MORC2: variants seen among roughly 807,000 people sequenced by gnomAD.
MORC2 encodes ATPase MORC2.
MORC2 carries 30 observed loss-of-function variants against 136.0 expected under a neutral mutation model. That is an observed-to-expected ratio of 0.22 (90% CI 0.17 to 0.30). The LOEUF (loss-of-function observed/expected upper bound fraction) is 0.30, where lower values mean the gene tolerates loss of function less well. MORC2 is among the 10% of genes least tolerant of loss of function. MORC2 has a pLI of 1.00. For missense variants in MORC2, 922 were observed against 1,333.1 expected (o/e 0.69, Z 4.80); for synonymous variants, 439 against 487.0 (o/e 0.90, Z 1.30).
Position 30,934,977 on chromosome 22 carries a change from C to G in MORC2, c.1997G>C (p.Arg666Thr). 1 of 1,614,086 alleles carries G rather than the reference C, an allele frequency of 6.2e-7. No individual in the cohort carries two copies. The highest frequency in any genetic ancestry group is 8.5e-7 in the Non-Finnish European group (1 of 1,180,016). ...GGGTGCCTCAGGTGGCTGGAGCAGC[C>G]TAGATGTGCTGGCCTCCTCCCGGGC... ...LAAREEASTS[R>T]LLQPPEAPRK... The change falls in exon 19 of 26, where the codon AGG becomes ACG. Residue 666 changes from arginine to threonine, a missense_variant. By Grantham distance (71) the Arg-to-Thr change is moderately conservative. Coordinates refer to ENST00000397641, the MANE Select transcript of MORC2 (RefSeq NM_001303256.3). The surrounding 1 kb of genome is among the most constrained non-coding windows in gnomAD (Gnocchi z 4.4).
Position 30,925,188 on chromosome 22 carries a change from T to G in MORC2, c.*1615A>C, listed in dbSNP as rs2040465626. The stretch of plus-strand genomic sequence containing the variant: ...TGCGTTTCGATTACATGTGTGTGAA[T>G]TTTAAAAACTGATTACCCTCCAGTA... On this transcript the variant is annotated 3_prime_UTR_variant, in exon 26 of 26. Transcript: ENST00000397641. 1 of 291,102 alleles carries G rather than the reference T, an allele frequency of 3.4e-6. No individual in the cohort carries two copies. Among genetic ancestry groups the G allele is most frequent in the Non-Finnish European group, 6.8e-6 (1 of 147,874 alleles). 18.0% of individuals were successfully genotyped at this position (291,102 alleles called of 1,614,324 possible). A position where few individuals can be genotyped will look rare whatever the true frequency, so the allele number is the denominator to read the frequency against.
At chr22:30,961,013 C>T (rs2041038038) in intron 1 of MORC2, among the ~76,000 whole-genome samples, 1 of 151,456 alleles carries the variant, frequency 6.6e-6, no homozygotes, top group South Asian at 2.1e-4. Flanking sequence ...TTACAGGCGC[C>T]TGCCACTATG....
intron 5 of MORC2, among the ~76,000 whole-genome samples, chr22:30,948,142 A>C (rs1438915708): frequency 6.6e-6 from 1 of 152,188 alleles, no homozygotes; most frequent in East Asian, 1.9e-4. Flanking sequence ...TAAATGTCAG[A>C]GATTAGAACC....
chr22:30,961,948 C>T (rs551591986), intron 1 of MORC2, among the ~76,000 whole-genome samples: 1 of 152,218 alleles, frequency 6.6e-6, no homozygotes, highest in African/African-American at 2.4e-5. Flanking sequence ...ATAAACCCAG[C>T]ACTTTGGGAG....
At position 30,958,671 on chromosome 22, in the gene MORC2, C is replaced by A; in HGVS notation, c.92G>T (p.Gly31Val). 1 of 1,548,486 alleles carries A rather than the reference C, an allele frequency of 6.5e-7. No homozygotes were observed. The highest frequency in any genetic ancestry group is 8.7e-7 in the Non-Finnish European group (1 of 1,145,376). The change falls in exon 2 of 26, where the codon GGT becomes GTT. Residue 31 changes from glycine (G) to valine (V), a missense_variant. Transcript: ENST00000397641. ...TNSTTHEFLF[G>V]ALAELVDNAR... The stretch of plus-strand genomic sequence containing the variant: ...ATTATCAACCAGTTCAGCAAGGGCA[C>A]CAAACAAGAATTCGTGAGTGGTTCT...
In MORC2 at chr22:30,941,287, T is replaced by G. The variant is rs538801086; in HGVS notation, c.824+146A>C. On this transcript the variant is annotated intron_variant, in intron 9 of 25. Transcript: ENST00000397641. The surrounding 1 kb of genome is among the most constrained non-coding windows in gnomAD (Gnocchi z 4.6). Reference sequence around the variant, plus strand: ...CCTCTAGGACCCAGAACTGACCCTGTGACCAATCACAGGCAACTTAAAGTC... The same window carrying G: ...CCTCTAGGACCCAGAACTGACCCTGGGACCAATCACAGGCAACTTAAAGTC... 8.1e-7 allele frequency: 1 copy of G among 1,238,098 alleles called. No homozygotes were observed. The highest frequency in any genetic ancestry group is 1.5e-5 in the South Asian group (1 of 64,642). 76.7% of individuals were successfully genotyped at this position (1,238,098 alleles called of 1,614,324 possible).
chr22:30,926,743 C>T lies in MORC2; in HGVS notation c.*60G>A, dbSNP rs1304449200. On this transcript the variant is annotated 3_prime_UTR_variant, in exon 26 of 26. Coordinates refer to ENST00000397641, the MANE Select transcript of MORC2 (RefSeq NM_001303256.3). ...CACCAACCCATGAATGAAGTCCCCTCCCCCTGCAGCTACAGGGTTGAGGGG... is the reference window on the plus strand; with the variant it reads ...CACCAACCCATGAATGAAGTCCCCTTCCCCTGCAGCTACAGGGTTGAGGGG... The T allele has an allele frequency of 3.5e-6, 5 of 1,436,250 alleles. No individual in the cohort carries two copies. The highest frequency in any genetic ancestry group is 3.9e-6 in the Non-Finnish European group (4 of 1,028,156). 89.0% of individuals were successfully genotyped at this position (1,436,250 alleles called of 1,614,324 possible). A position where few individuals can be genotyped will look rare whatever the true frequency, so the allele number is the denominator to read the frequency against.
rs2147241669 is a variant in MORC2 at position 30,932,779 on chromosome 22, A to G, written c.2523-10T>C. 7 of 1,614,062 alleles carry G rather than the reference A, an allele frequency of 4.3e-6. No homozygotes were observed. Among genetic ancestry groups the G allele is most frequent in the Non-Finnish European group, 5.9e-6 (7 of 1,179,948 alleles). On this transcript the variant is annotated splice_polypyrimidine_tract_variant and intron_variant, in intron 22 of 25. Coordinates refer to ENST00000397641, the MANE Select transcript of MORC2 (RefSeq NM_001303256.3). The surrounding 1 kb of genome is among the most constrained non-coding windows in gnomAD (Gnocchi z 4.4). ...ACTGCCTTTCTCCACCCTGTGGAAGACACACAGCTTATGTCATGTCTGACC... is the reference window on the plus strand; with the variant it reads ...ACTGCCTTTCTCCACCCTGTGGAAGGCACACAGCTTATGTCATGTCTGACC...
At position 30,935,251 on chromosome 22, in the gene MORC2, A is replaced by G. The variant is rs1195941066; in HGVS notation, c.1809T>C (p.Thr603=). Residue 603 remains threonine, a synonymous_variant, in exon 18 of 26, where the codon ACT becomes ACC. Transcript: ENST00000397641. ...TTCCCAGGCCCCTGGACTTCACCTC[A>G]GTGGAAGGTCTGGTGGTCACTTCCA... ...LPLEVTTRPS[T]EEPVRRPQRP... 6 of 1,613,536 alleles carry G rather than the reference A, an allele frequency of 3.7e-6. No individual in the cohort carries two copies. Among genetic ancestry groups the G allele is most frequent in the Non-Finnish European group, 5.1e-6 (6 of 1,179,782 alleles).
intron 5 of MORC2, among the ~76,000 whole-genome samples, chr22:30,946,940 G>A (rs2147278225): frequency 6.6e-6 from 1 of 152,228 alleles, no homozygotes; most frequent in African/African-American, 2.4e-5. Flanking sequence ...TCCTTCCTCA[G>A]CTGACACAAA....
At chr22:30,935,737 T>C (rs1240473311) in intron 17 of MORC2, among the ~76,000 whole-genome samples, 7 of 152,072 alleles carry the variant, frequency 4.6e-5, no homozygotes, top group Non-Finnish European at 1.0e-4. Flanking sequence ...GAAATGGTTG[T>C]GTACTAAATA....
rs1470563994 is a variant in MORC2, at chr22:30,968,435, G to C, written c.-546C>G. The C allele has an allele frequency of 1.3e-5, 2 of 152,750 alleles. No homozygotes were observed. The highest frequency in any genetic ancestry group is 6.5e-5 in the Admixed American group (1 of 15,296). 9.5% of individuals were successfully genotyped at this position (152,750 alleles called of 1,614,324 possible). A position where few individuals can be genotyped will look rare whatever the true frequency, so the allele number is the denominator to read the frequency against. On this transcript the variant is annotated 5_prime_UTR_variant, in exon 1 of 26. Transcript: ENST00000397641. ...CAAGATGTCGACGGAGTGTTATATGGCGCAAGTTGCAGCTTCACCACCTCC... is the reference window on the plus strand; with the variant it reads ...CAAGATGTCGACGGAGTGTTATATGCCGCAAGTTGCAGCTTCACCACCTCC...
chr22:30,962,218 AAAGAAAGAAAG>A (rs913801085), intron 1 of MORC2, among the ~76,000 whole-genome samples: 2 of 151,076 alleles, frequency 1.3e-5, no homozygotes, highest in African/African-American at 4.9e-5. Context: ...AAAAAAAAAA[AAAGAAAGAAAG>A]AAAGAAAGAA....
At chr22:30,946,055 T>C (rs1238563941) in intron 6 of MORC2, among the ~76,000 whole-genome samples, 3 of 152,214 alleles carry the variant, frequency 2.0e-5, no homozygotes, top group Non-Finnish European at 4.4e-5. Flanking sequence ...GTGGCAGATC[T>C]AGAGGAGCTG....
rs1194004265 is a variant in MORC2, at chr22:30,932,639, C to G, written c.2653G>C (p.Glu885Gln). The change falls in exon 23 of 26, where the codon GAG (glutamate) becomes CAG (glutamine). Residue 885 changes from glutamate to glutamine, a missense_variant. Coordinates refer to ENST00000397641, the MANE Select transcript of MORC2 (RefSeq NM_001303256.3). The surrounding 1 kb of genome is among the most constrained non-coding windows in gnomAD (Gnocchi z 4.4). The part of the protein sequence containing the change: ...PVAQQAIAVA[E>Q]PSTSECLRIE... ...CGGAGGCATTCGGAAGTGGAGGGCT[C>G]TGCGACAGCTATGGCCTGCTGGGCC... 2 of 1,614,046 alleles carry G rather than the reference C, an allele frequency of 1.2e-6. No individual in the cohort carries two copies. Among genetic ancestry groups the G allele is most frequent in the East Asian group, 2.2e-5 (1 of 44,884 alleles).
At chr22:30,967,587 T>C in intron 1 of MORC2, 8 of 1,337,804 alleles carry the variant, frequency 6.0e-6, no homozygotes, top group South Asian at 5.0e-5. Flanking sequence ...TAACTAAAGT[T>C]TGCATTTAGA....
At chr22:30,935,798 T>C (rs999618054) in intron 17 of MORC2, among the ~76,000 whole-genome samples, 7 of 151,704 alleles carry the variant, frequency 4.6e-5, no homozygotes, top group African/African-American at 1.7e-4. Context: ...ATAGAAAAAA[T>C]AAAAATGTAA....
chr22:30,967,023 C>G (rs1271977797), intron 1 of MORC2: 3 of 896,318 alleles, frequency 3.3e-6, no homozygotes, highest in Non-Finnish European at 4.0e-6. Flanking sequence ...ATTCATGTAG[C>G]TGCTCATCTC....
intron 17 of MORC2, 38 bp downstream of exon 17, chr22:30,936,473 C>T: frequency 6.2e-7 from 1 of 1,611,198 alleles, no homozygotes; most frequent in Admixed American, 1.7e-5. Flanking sequence ...AGAGCCCTGA[C>T]ACAGGCTGGC....
Sources: allele counts gnomAD v4.1 joint callset (sites outside exome capture counted in the v4.1 genomes callset), GRCh38; gene constraint gnomAD v4.1.1; non-coding constraint Gnocchi (gnomAD v3.1); transcripts MANE v1.5; gene names NCBI Gene and HGNC (gene_info 2026-07-23, HGNC 2026-07-21).